Variants in LRRIQ1 observed in about 807,000 individuals in gnomAD.
LRRIQ1 encodes the protein leucine-rich repeat- and IQ domain-containing protein 1.
In LRRIQ1, 210 loss-of-function variants were observed where a neutral mutation model predicts 211.9. The observed-to-expected ratio is 0.99, with a 90% CI of 0.89 to 1.11. The LOEUF is 1.11. Among genes scored for constraint, LRRIQ1 ranks in the 50% most tolerant of loss-of-function variants. The pLI is 0.00. For missense variants in LRRIQ1, 2,136 were observed against 1,939.5 expected, an observed-to-expected ratio of 1.10 and a Z score of -1.90; for synonymous variants, 699 against 650.1, an observed-to-expected ratio of 1.08 and a Z score of -1.14.
intron 24 of LRRIQ1, among the ~76,000 whole-genome samples, chr12:85,217,492 G>GTATATATA (rs1214919315): frequency 1.3e-5 from 1 of 74,952 alleles, no homozygotes; most frequent in Non-Finnish European, 2.4e-5. Context: ...ATATATATAT[G>GTATATATA]TATATATATA....
At chr12:85,101,247 A>G (rs761421346) in intron 13 of LRRIQ1, among the ~76,000 whole-genome samples, 10 of 151,854 alleles carry the variant, frequency 6.6e-5, no homozygotes, top group Non-Finnish European at 1.2e-4. Flanking sequence ...AACAAATGGA[A>G]TACATATAAA....
At chr12:85,256,846 G>C (rs535856235) in intron 1 of LRRIQ1, among the ~76,000 whole-genome samples, 208 of 149,824 alleles carry the variant, frequency 1.4e-3, no homozygotes, top group African/African-American at 4.5e-3. Flanking sequence ...AAGACTAAAA[G>C]TGATCTTGAA....
intron 15 of LRRIQ1, among the ~76,000 whole-genome samples, chr12:85,109,036 G>C (rs1886981422): frequency 6.6e-6 from 1 of 152,082 alleles, no homozygotes; most frequent in African/African-American, 2.4e-5. Context: ...TTTTTGCCCT[G>C]ATTTGGTTTC....
At chr12:85,082,011 C>A (rs1264898320) in intron 11 of LRRIQ1, among the ~76,000 whole-genome samples, 1 of 152,128 alleles carries the variant, frequency 6.6e-6, no homozygotes, top group Non-Finnish European at 1.5e-5. Context: ...GCATGAGCCA[C>A]TGTGCAGGGC....
intron 24 of LRRIQ1, among the ~76,000 whole-genome samples, chr12:85,219,947 A>T (rs1287345374): frequency 2.0e-5 from 3 of 152,162 alleles, no homozygotes; most frequent in Non-Finnish European, 4.4e-5. Flanking sequence ...AATGAAATTA[A>T]AATTCTGTTA....
intron 24 of LRRIQ1, among the ~76,000 whole-genome samples, chr12:85,202,530 A>G (rs1893347680): frequency 6.6e-6 from 1 of 152,162 alleles, no homozygotes; most frequent in African/African-American, 2.4e-5. Context: ...CTGTGCTATT[A>G]TGTAATGGCC....
chr12:85,065,325 A>C lies in LRRIQ1; in HGVS notation c.2455A>C (p.Asn819His), dbSNP rs147279253. Reference sequence around the variant, plus strand: ...TCTCTCCACACTGGCAGAGTGTACAAATCTTCAGTTTCTATCCCTTCGACG... The same window carrying C: ...TCTCTCCACACTGGCAGAGTGTACACATCTTCAGTTTCTATCCCTTCGACG... Reference protein sequence around the residue: ...CVLSTLAECTNLQFLSLRRCG... With the variant: ...CVLSTLAECTHLQFLSLRRCG... The change falls in exon 9 of 27, where the codon AAT becomes CAT. Residue 819 changes from asparagine (N) to histidine (H), a missense_variant. Transcript: ENST00000393217. 1 of 1,610,984 alleles carries C rather than the reference A, an allele frequency of 6.2e-7. No homozygotes were observed. Among genetic ancestry groups the C allele is most frequent in the African/African-American group, 1.3e-5 (1 of 74,674 alleles).
At chr12:85,229,140 G>T (rs1290902374) in intron 24 of LRRIQ1, among the ~76,000 whole-genome samples, 6 of 151,978 alleles carry the variant, frequency 3.9e-5, no homozygotes, top group African/African-American at 1.5e-4. Context: ...GGATAAGAGT[G>T]GTATAAAAAC....
At chr12:85,045,198 A>G (rs1333729153) in intron 4 of LRRIQ1, among the ~76,000 whole-genome samples, 3 of 151,976 alleles carry the variant, frequency 2.0e-5, no homozygotes, top group African/African-American at 4.8e-5. Flanking sequence ...TTAAATTTAC[A>G]ATACTTTATA....
chr12:85,123,187 T>A (rs1484610276), intron 16 of LRRIQ1, among the ~76,000 whole-genome samples: 1 of 152,018 alleles, frequency 6.6e-6, no homozygotes, highest in East Asian at 1.9e-4. Flanking sequence ...TAAAATTACC[T>A]TTGTGAACAT....
At chr12:85,241,517 A>G (rs1385563737) in intron 26 of LRRIQ1, among the ~76,000 whole-genome samples, 1 of 151,996 alleles carries the variant, frequency 6.6e-6, no homozygotes, top group Admixed American at 6.6e-5. Context: ...TAATTTTGCC[A>G]TAATTTGCAA....
Position 85,056,757 on chromosome 12 carries a change from T to C in LRRIQ1, c.1964T>C (p.Ile655Thr), listed in dbSNP as rs766611177. The C allele has an allele frequency of 6.2e-7, 1 of 1,605,420 alleles. No homozygotes were observed. Among genetic ancestry groups the C allele is most frequent in the Non-Finnish European group, 8.5e-7 (1 of 1,177,782 alleles). Residue 655 changes from isoleucine to threonine, a missense_variant, in exon 8 of 27, where the codon ATT becomes ACT. Coordinates refer to ENST00000393217, the MANE Select transcript of LRRIQ1 (RefSeq NM_001079910.2). ...NPKDNAWNSG[I>T]VIFNTTDTMI... ...AAAGACAATGCTTGGAATAGTGGCA[T>C]TGTGATTTTTAACACAACTGATACC...
chr12:85,166,841 C>A (rs1195594222), intron 24 of LRRIQ1, among the ~76,000 whole-genome samples: 4 of 152,180 alleles, frequency 2.6e-5, no homozygotes, highest in Admixed American at 1.3e-4. Flanking sequence ...TGTGATTTAT[C>A]AGTATGTCAG....
chr12:85,190,469 G>A (rs1244413279), intron 24 of LRRIQ1, among the ~76,000 whole-genome samples: 2 of 146,958 alleles, frequency 1.4e-5, no homozygotes, highest in African/African-American at 4.9e-5. Flanking sequence ...AGTATATTAT[G>A]TAATTATATT....
At chr12:85,213,357 A>G (rs1893930207) in intron 24 of LRRIQ1, among the ~76,000 whole-genome samples, 1 of 152,010 alleles carries the variant, frequency 6.6e-6, no homozygotes, top group Non-Finnish European at 1.5e-5. Context: ...ATTAAAGAAT[A>G]CTAAGAAGTA....
rs111636414 is a variant in LRRIQ1 at position 85,059,785 on chromosome 12, G to A, written c.2391+2601G>A. On this transcript the variant is annotated intron_variant, in intron 8 of 26. Transcript: ENST00000393217. ...AGCAAACCACCATGGCACGTGGCAC[G>A]TGTATACCTATATAACAAAACCGCA... 2.8e-4 allele frequency among the ~76,000 whole-genome samples: 42 copies of A among 151,862 alleles called. 1 individual carries two copies. The highest frequency in any genetic ancestry group is 9.7e-4 in the African/African-American group (40 of 41,448).
intron 18 of LRRIQ1, among the ~76,000 whole-genome samples, chr12:85,131,106 G>A (rs925201611): frequency 2.0e-5 from 3 of 151,388 alleles, no homozygotes; most frequent in African/African-American, 7.3e-5. Context: ...AACTACTTGG[G>A]AGGCTGAGAC....
intron 6 of LRRIQ1, among the ~76,000 whole-genome samples, chr12:85,051,938 T>G (rs1282080837): frequency 6.6e-6 from 1 of 152,156 alleles, no homozygotes. Context: ...CATACTCAAA[T>G]AAATACAACT....
intron 24 of LRRIQ1, among the ~76,000 whole-genome samples, chr12:85,168,152 C>G (rs1891241793): frequency 2.0e-5 from 3 of 152,202 alleles, no homozygotes; most frequent in South Asian, 2.1e-4. Flanking sequence ...TCAGCAAGCA[C>G]CTCAGCAGGT....
Sources: gnomAD v4.1 joint callset for allele counts (sites outside exome capture counted in the v4.1 genomes callset) on GRCh38, gnomAD v4.1.1 for gene constraint, MANE v1.5 for transcripts, NCBI Gene and HGNC (gene_info 2026-07-23, HGNC 2026-07-21) for gene names.